The following CLMN variants were observed in gnomAD, a reference collection of about 807,000 sequenced individuals.
CLMN encodes calmin (calponin-like, transmembrane).
CLMN carries 57 observed loss-of-function variants against 92.7 expected under a neutral mutation model. That is an observed-to-expected ratio of 0.61 (90% confidence interval 0.50 to 0.77). The LOEUF (loss-of-function observed/expected upper bound fraction) is 0.77. Ranked by LOEUF, CLMN falls within the 30% of genes least tolerant of loss-of-function variation. The probability of loss-of-function intolerance (pLI) is 0.00; values close to 1 mark genes in which losing one functional copy is unlikely to be tolerated. For synonymous variants in CLMN, 466 were observed against 470.6 expected (o/e 0.99, Z 0.13); for missense variants, 1,158 against 1,237.5 (o/e 0.94, Z 0.96).
At chr14:95,300,061 A>T (rs1450457669) in intron 1 of CLMN, among the ~76,000 whole-genome samples, 4 of 152,232 alleles carry the variant, frequency 2.6e-5, no homozygotes, top group African/African-American at 9.6e-5. Context: ...CGAGACGCTC[A>T]ATCAGGAAGC....
intron 2 of CLMN, among the ~76,000 whole-genome samples, chr14:95,229,027 G>C (rs1897799156): frequency 6.6e-6 from 1 of 152,232 alleles, no homozygotes; most frequent in Non-Finnish European, 1.5e-5. Context: ...AAACATGAAA[G>C]TGGGGTGCTA....
Position 95,195,139 on chromosome 14 carries a change from C to G in CLMN, c.2709-543G>C, listed in dbSNP as rs538273081. Among the ~76,000 whole-genome samples the G allele has an allele frequency of 1.5e-3, 227 of 152,318 alleles. 2 individuals carry two copies. The highest frequency in any genetic ancestry group is 1.2e-3 in the Non-Finnish European group (81 of 68,030). On this transcript the variant is annotated intron_variant, in intron 10 of 12. Coordinates refer to ENST00000298912, the MANE Select transcript of CLMN (RefSeq NM_024734.4). ...TCACCCCTGTGGCTGACCTCTTTCT[C>G]CCTCTCCTGAAGTCCCCAGGCCTAG... is the stretch of plus-strand genomic sequence containing the variant.
At chr14:95,211,777 T>C (rs1897205952) in intron 6 of CLMN, among the ~76,000 whole-genome samples, 1 of 152,152 alleles carries the variant, frequency 6.6e-6, no homozygotes, top group Admixed American at 6.5e-5. Flanking sequence ...AGTGACAGCA[T>C]CTTATGCTAC....
chr14:95,222,140 C>T (rs576166623), intron 3 of CLMN, among the ~76,000 whole-genome samples: 15 of 152,306 alleles, frequency 9.8e-5, no homozygotes, highest in South Asian at 8.3e-4. Flanking sequence ...CCCTCCATTA[C>T]GTGTTCCCTT....
intron 1 of CLMN, among the ~76,000 whole-genome samples, chr14:95,280,640 C>G (rs1461690716): frequency 6.6e-6 from 1 of 152,030 alleles, no homozygotes; most frequent in Non-Finnish European, 1.5e-5. Context: ...CTGATTAATC[C>G]TTTTAGATAT....
At chr14:95,253,737 C>A (rs1898885416) in intron 1 of CLMN, among the ~76,000 whole-genome samples, 1 of 152,026 alleles carries the variant, frequency 6.6e-6, no homozygotes, top group South Asian at 2.1e-4. Flanking sequence ...CTCAGCCTCC[C>A]CAGTAGCTGG....
At chr14:95,261,752 C>T (rs917260017) in intron 1 of CLMN, among the ~76,000 whole-genome samples, 2 of 152,212 alleles carry the variant, frequency 1.3e-5, no homozygotes, top group Non-Finnish European at 1.5e-5. Context: ...CACAGGTCCA[C>T]CCGCTCCTCT....
chr14:95,292,222 A>G (rs2144817), intron 1 of CLMN, among the ~76,000 whole-genome samples: 59,136 of 152,140 alleles, frequency 0.39, 11,690 homozygotes, highest in East Asian at 0.6. Flanking sequence ...AAGAAAATGC[A>G]TCAAAAGGTA....
chr14:95,309,443 A>G (rs1012754325), intron 1 of CLMN, among the ~76,000 whole-genome samples: 1 of 152,208 alleles, frequency 6.6e-6, no homozygotes, highest in Non-Finnish European at 1.5e-5. Flanking sequence ...TTCAGTCCCA[A>G]AATCCACACA....
chr14:95,215,688 G>C lies in CLMN; in HGVS notation c.370C>G (p.Pro124Ala), dbSNP rs151018579. 2.3e-4 allele frequency: 369 copies of C among 1,614,128 alleles called. No homozygotes were observed. In the African/African-American group the frequency reaches 4.3e-3, roughly 19 times the overall value. The change falls in exon 5 of 13, where the codon CCT becomes GCT. Residue 124 changes from proline (P) to alanine (A), a missense_variant. Pro to Ala is a conservative substitution (Grantham distance 27). Transcript: ENST00000298912. ...CATATCAGCCCAAGAACCAAAGAAG[G>C]GTTGCCATCTGCTATTTCTGCTGCA... ...IDAAEIADGN[P>A]SLVLGLIWNI...
At chr14:95,271,686 T>C (rs1483700633) in intron 1 of CLMN, among the ~76,000 whole-genome samples, 1 of 152,226 alleles carries the variant, frequency 6.6e-6, no homozygotes, top group East Asian at 1.9e-4. Flanking sequence ...TGCTGTAAAA[T>C]GTGTGAAAGT....
intron 1 of CLMN, among the ~76,000 whole-genome samples, chr14:95,239,090 C>G (rs1300300057): frequency 6.6e-6 from 1 of 152,196 alleles, no homozygotes; most frequent in Admixed American, 6.5e-5. Context: ...ATTAAAAACA[C>G]AAGCTTAGAA....
At position 95,235,642 on chromosome 14, in the gene CLMN, G is replaced by C. The variant is rs1898027923; in HGVS notation, c.83-5509C>G. On this transcript the variant is annotated intron_variant, in intron 1 of 12. Transcript: ENST00000298912. Reference sequence around the variant, plus strand: ...TCCTGACAATGGCCATCGGCAAATGGCTTTAGTCACTGAATTCATACAGTT... The same window carrying C: ...TCCTGACAATGGCCATCGGCAAATGCCTTTAGTCACTGAATTCATACAGTT... 1.3e-5 allele frequency among the ~76,000 whole-genome samples: 2 copies of C among 152,184 alleles called. 1 individual carries two copies. The highest frequency in any genetic ancestry group is 4.1e-4 in the South Asian group (2 of 4,826).
At chr14:95,271,926 C>T (rs1051070299) in intron 1 of CLMN, among the ~76,000 whole-genome samples, 6 of 152,214 alleles carry the variant, frequency 3.9e-5, no homozygotes, top group Admixed American at 2.0e-4. Flanking sequence ...TTGTGCCTGT[C>T]GGTTTTGTTC....
At chr14:95,221,895 C>A in intron 3 of CLMN, 121 bp from the exon 4 acceptor site, 1 of 944,444 alleles carries the variant, frequency 1.1e-6, no homozygotes, top group South Asian at 1.7e-5. Flanking sequence ...AAGTTAGGGG[C>A]TCACAGCTAA....
At chr14:95,241,803 G>A (rs1005302978) in intron 1 of CLMN, among the ~76,000 whole-genome samples, 1 of 152,178 alleles carries the variant, frequency 6.6e-6, no homozygotes, top group South Asian at 2.1e-4. Context: ...TATACAAACT[G>A]TCTAAATGTA....
chr14:95,288,169 A>G (rs1900414432), intron 1 of CLMN, among the ~76,000 whole-genome samples: 2 of 152,226 alleles, frequency 1.3e-5, no homozygotes, highest in South Asian at 4.1e-4. Flanking sequence ...TATCCCCCAC[A>G]GAAGACCTGT....
In CLMN at chr14:95,319,807, A is replaced by T. The variant is rs373007123; in HGVS notation, c.-15T>A. 8 of 1,485,078 alleles carry T rather than the reference A, an allele frequency of 5.4e-6. No homozygotes were observed. Among genetic ancestry groups the T allele is most frequent in the Non-Finnish European group, 7.2e-6 (8 of 1,113,924 alleles). 92.0% of individuals were successfully genotyped at this position (1,485,078 alleles called of 1,614,324 possible). A position where few individuals can be genotyped will look rare whatever the true frequency, so the allele number is the denominator to read the frequency against. On this transcript the variant is annotated 5_prime_UTR_variant, in exon 1 of 13. Transcript: ENST00000298912. Reference sequence around the variant, plus strand: ...TGTGCAGCCATGAAGCGCGGGCGGGAGAGCCCGGGCCAGCGCGGCGCGGGC... The same window carrying T: ...TGTGCAGCCATGAAGCGCGGGCGGGTGAGCCCGGGCCAGCGCGGCGCGGGC...
intron 1 of CLMN, among the ~76,000 whole-genome samples, chr14:95,265,515 T>C (rs994196505): frequency 2.0e-5 from 3 of 152,232 alleles, no homozygotes; most frequent in African/African-American, 4.8e-5. Context: ...TGTAGACTCA[T>C]CCTCTTGGCT....
Sources: gnomAD v4.1 joint callset for allele counts (sites outside exome capture counted in the v4.1 genomes callset) on GRCh38, gnomAD v4.1.1 for gene constraint, MANE v1.5 for transcripts, NCBI Gene and HGNC (gene_info 2026-07-23, HGNC 2026-07-21) for gene names.